Variants in TSNAXIP1 observed in about 807,000 individuals in gnomAD.
The protein encoded by TSNAXIP1 is translin associated factor X interacting protein 1.
A neutral mutation model predicts 84.8 loss-of-function variants in TSNAXIP1; 89 were observed. The ratio of observed to expected loss-of-function variants is 1.05; its 90% CI spans 0.88 to 1.25. The LOEUF (loss-of-function observed/expected upper bound fraction) is 1.25, where lower values mean the gene tolerates loss of function less well. TSNAXIP1 is among the 50% of genes most tolerant of loss of function. The pLI is 0.00. For synonymous variants in TSNAXIP1, 347 were observed against 335.2 expected, an observed-to-expected ratio of 1.04 and a Z score of -0.39; for missense variants, 874 against 887.6, an observed-to-expected ratio of 0.98 and a Z score of 0.20.
intron 1 of TSNAXIP1, among the ~76,000 whole-genome samples, chr16:67,811,153 C>T (rs1208022327): frequency 1.3e-5 from 2 of 152,040 alleles, no homozygotes; most frequent in African/African-American, 2.4e-5. Flanking sequence ...CTGCTCACCT[C>T]GGCCTCCCAA....
chr16:67,816,078 C>T (rs1043075967), intron 2 of TSNAXIP1, among the ~76,000 whole-genome samples: 1 of 151,244 alleles, frequency 6.6e-6, no homozygotes, highest in African/African-American at 2.4e-5. Flanking sequence ...ACCCCATTCT[C>T]CTGCCTCAGC....
chr16:67,826,498 C>A lies in TSNAXIP1; in HGVS notation c.1337C>A (p.Pro446Gln), dbSNP rs778203413. The A allele has an allele frequency of 3.5e-5, 57 of 1,614,006 alleles. No homozygotes were observed. Among genetic ancestry groups the A allele is most frequent in the Non-Finnish European group, 4.7e-5 (56 of 1,180,038 alleles). ...RFDGLVENKK[P>Q]SKKDVVNLLK... ...GATGGCCTCGTGGAGAACAAGAAGCCAAGCAAGAAGGACGTGGTCAACCTC... is the reference window on the plus strand; with the variant it reads ...GATGGCCTCGTGGAGAACAAGAAGCAAAGCAAGAAGGACGTGGTCAACCTC... The change falls in exon 11 of 16, where the codon CCA becomes CAA. Residue 446 changes from proline (P) to glutamine (Q), a missense_variant. Pro to Gln is a moderately conservative substitution (Grantham distance 76). Coordinates refer to ENST00000561639, the MANE Select transcript of TSNAXIP1 (RefSeq NM_001288990.3).
intron 1 of TSNAXIP1, among the ~76,000 whole-genome samples, chr16:67,810,083 T>C (rs2055909007): frequency 6.6e-6 from 1 of 152,230 alleles, no homozygotes; most frequent in Non-Finnish European, 1.5e-5. Flanking sequence ...GTCCTCATCC[T>C]TTCCCTTTAA....
intron 1 of TSNAXIP1, among the ~76,000 whole-genome samples, chr16:67,809,816 G>A (rs2055878110): frequency 6.6e-6 from 1 of 151,020 alleles, no homozygotes; most frequent in Non-Finnish European, 1.5e-5. Flanking sequence ...GGCGGTAGTG[G>A]CATGCACCTG....
intron 2 of TSNAXIP1, among the ~76,000 whole-genome samples, chr16:67,814,713 C>T (rs187058361): frequency 6.6e-6 from 1 of 152,306 alleles, no homozygotes; most frequent in African/African-American, 2.4e-5. Flanking sequence ...CGGCCCTTAC[C>T]TCTCATCCCT....
rs182354666 is a variant in TSNAXIP1 at position 67,827,979 on chromosome 16, G to C, written c.2125G>C (p.Glu709Gln). The C allele has an allele frequency of 6.2e-7, 1 of 1,613,194 alleles. No homozygotes were observed. Among genetic ancestry groups the C allele is most frequent in the Admixed American group, 1.7e-5 (1 of 60,016 alleles). The change falls in exon 16 of 16, where the codon GAG becomes CAG. Residue 709 changes from glutamate to glutamine, a missense_variant. Coordinates refer to ENST00000561639, the MANE Select transcript of TSNAXIP1 (RefSeq NM_001288990.3). ...DIRRVGPREP[E>Q]PAS ...CAGGCGTGTGGGACCTCGAGAGCCAGAGCCTGCAAGCTAGGAACTTGTGGG... is the reference window on the plus strand; with the variant it reads ...CAGGCGTGTGGGACCTCGAGAGCCACAGCCTGCAAGCTAGGAACTTGTGGG...
At position 67,826,711 on chromosome 16, in the gene TSNAXIP1, T is replaced by G; in HGVS notation, c.1421T>G (p.Phe474Cys). The G allele has an allele frequency of 6.2e-7, 1 of 1,613,738 alleles. No individual in the cohort carries two copies. Among genetic ancestry groups the G allele is most frequent in the Non-Finnish European group, 8.5e-7 (1 of 1,179,854 alleles). The change falls in exon 12 of 16, where the codon TTC becomes TGC. Residue 474 changes from phenylalanine to cysteine, a missense_variant. Coordinates refer to ENST00000561639, the MANE Select transcript of TSNAXIP1 (RefSeq NM_001288990.3). ...CCGCAGAAAGAGACGTTCCCAGATT[T>G]CTTCTTCAATTTCCTGGAGCATCGC... Reference protein sequence around the residue: ...AEEQKETFPDFFFNFLEHRFG... With the variant: ...AEEQKETFPDCFFNFLEHRFG...
chr16:67,811,927 A>G (rs910187999), intron 1 of TSNAXIP1, among the ~76,000 whole-genome samples: 2 of 152,140 alleles, frequency 1.3e-5, no homozygotes, highest in African/African-American at 4.8e-5. Flanking sequence ...TTGAGAAGCA[A>G]TAGAGGACTA....
intron 7 of TSNAXIP1, 100 bp downstream of exon 7, chr16:67,825,372 C>T: frequency 6.6e-7 from 1 of 1,504,928 alleles, no homozygotes; most frequent in Non-Finnish European, 9.0e-7. Context: ...CTAAGACCTG[C>T]TCATTCCATA....
rs200686788 is a variant in TSNAXIP1, at chr16:67,826,977, G to A, written c.1569G>A (p.Val523=). ...TCTCCTTATAGCGGAGTGAGAATGT[G>A]TATGTCACCCAGAAGGAGACAGTAG... ...AVLMGKRSEN[V]YVTQKETVAQ... is the part of the protein sequence containing the mutation. Residue 523 remains valine, a synonymous_variant, in exon 13 of 16, where the codon GTG becomes GTA. Transcript: ENST00000561639. The A allele has an allele frequency of 1.9e-6, 3 of 1,614,154 alleles. No individual in the cohort carries two copies. Among genetic ancestry groups the A allele is most frequent in the East Asian group, 4.5e-5 (2 of 44,882 alleles).
chr16:67,821,021 G>A (rs2057006011), intron 3 of TSNAXIP1, 70 bp downstream of exon 3: 5 of 1,599,708 alleles, frequency 3.1e-6, no homozygotes, highest in Non-Finnish European at 3.4e-6. Context: ...GACAGGGCAG[G>A]GGCGTGTGTT....
chr16:67,814,312 C>T lies in TSNAXIP1; in HGVS notation c.58C>T (p.Arg20Trp), dbSNP rs533324703. The change falls in exon 2 of 16, where the codon CGG becomes TGG. Residue 20 changes from arginine to tryptophan, a missense_variant. Transcript: ENST00000561639. ...SFSSASRLQP[R>W]PSGVTIDESF... ...CCCTTCTCTGTGCAGATTACAGCCA[C>T]GGCCTTCAGGAGTGACCATAGACGA... 16 of 1,535,808 alleles carry T rather than the reference C, an allele frequency of 1.0e-5. No individual in the cohort carries two copies. Among genetic ancestry groups the T allele is most frequent in the South Asian group, 2.4e-5 (2 of 84,066 alleles).
At chr16:67,809,208 G>A (rs1207894218) in intron 1 of TSNAXIP1, among the ~76,000 whole-genome samples, 7 of 131,750 alleles carry the variant, frequency 5.3e-5, no homozygotes, top group African/African-American at 1.7e-4. Flanking sequence ...GGTGGCTCAC[G>A]CCTGTAATCC....
rs1258027681 is a variant in TSNAXIP1, at chr16:67,827,017, G to A, written c.1609G>A (p.Glu537Lys). ...GGAGACAGTAGCCCAGCTGCTGAAGGAGATGACAAATGCTGACAGTCAGAA... is the reference window on the plus strand; with the variant it reads ...GGAGACAGTAGCCCAGCTGCTGAAGAAGATGACAAATGCTGACAGTCAGAA... ...QKETVAQLLK[E>K]MTNADSQNEG... The change falls in exon 13 of 16, where the codon GAG (glutamate) becomes AAG (lysine). Residue 537 changes from glutamate to lysine, a missense_variant. Physicochemically the swap from Glu to Lys is moderately conservative, Grantham distance 56. Transcript: ENST00000561639. The A allele has an allele frequency of 8.1e-6, 13 of 1,614,056 alleles. No homozygotes were observed. Among genetic ancestry groups the A allele is most frequent in the Admixed American group, 1.7e-5 (1 of 60,000 alleles).
chr16:67,824,029 A>AAG (rs2057264890), intron 5 of TSNAXIP1, among the ~76,000 whole-genome samples: 1 of 151,024 alleles, frequency 6.6e-6, no homozygotes, highest in South Asian at 2.1e-4. Context: ...AAAAAAAAAA[A>AAG]AAAAAAAAGA....
At position 67,820,867 on chromosome 16, in the gene TSNAXIP1, T is replaced by G. The variant is rs1178483597; in HGVS notation, c.176T>G (p.Leu59Arg). Reference protein sequence around the residue: ...LTGQFSMGGHLSPWPTYTSGQ... With the variant: ...LTGQFSMGGHRSPWPTYTSGQ... ...GGTCAGTTCTCCATGGGTGGGCACC[T>G]GTCCCCATGGCCCACATACACCAGT... is the stretch of plus-strand genomic sequence containing the variant. The change falls in exon 3 of 16, where the codon CTG (leucine) becomes CGG (arginine). Residue 59 changes from leucine (L) to arginine (R), a missense_variant. Leu to Arg is a moderately radical substitution (Grantham distance 102). Coordinates refer to ENST00000561639, the MANE Select transcript of TSNAXIP1 (RefSeq NM_001288990.3). The G allele has an allele frequency of 6.3e-7, 1 of 1,579,038 alleles. No individual in the cohort carries two copies. The highest frequency in any genetic ancestry group is 8.6e-7 in the Non-Finnish European group (1 of 1,163,990).
chr16:67,809,670 G>A (rs927074253), intron 1 of TSNAXIP1, among the ~76,000 whole-genome samples: 8 of 151,892 alleles, frequency 5.3e-5, no homozygotes, highest in Non-Finnish European at 1.2e-4. Flanking sequence ...CAGGCCGGGA[G>A]CAGTGAGTGG....
At chr16:67,818,436 G>A (rs2056769183) in intron 2 of TSNAXIP1, among the ~76,000 whole-genome samples, 1 of 152,082 alleles carries the variant, frequency 6.6e-6, no homozygotes, top group Non-Finnish European at 1.5e-5. Flanking sequence ...AGGATCTCTT[G>A]AGCCCGGGAG....
rs199838825 is a variant in TSNAXIP1, at chr16:67,828,013, G to T, written c.*20G>T. 1.2e-6 allele frequency: 2 copies of T among 1,610,640 alleles called. No individual in the cohort carries two copies. The highest frequency in any genetic ancestry group is 1.3e-5 in the African/African-American group (1 of 74,806). ...AGCTAGGAACTTGTGGGCAGCCTGC[G>T]TACTCCAGTCCTGCTAACCCCTAGC... On this transcript the variant is annotated 3_prime_UTR_variant, in exon 16 of 16. Transcript: ENST00000561639.
Sources: gnomAD v4.1 joint callset for allele counts (sites outside exome capture counted in the v4.1 genomes callset) on GRCh38, gnomAD v4.1.1 for gene constraint, MANE v1.5 for transcripts, NCBI Gene and HGNC (gene_info 2026-07-23, HGNC 2026-07-21) for gene names.